Variants in LY6E observed in about 807,000 individuals in gnomAD.
LY6E encodes the protein lymphocyte antigen 6 family member E.
LY6E carries 4 observed loss-of-function variants against 7.7 expected under a neutral mutation model. The observed-to-expected ratio is 0.52, with a 90% confidence interval of 0.25 to 1.18. The LOEUF (loss-of-function observed/expected upper bound fraction) is 1.18, where lower values mean the gene tolerates loss of function less well. Among genes scored for constraint, LY6E ranks in the 50% most tolerant of loss-of-function variants. LY6E has a pLI of 0.14. For synonymous variants in LY6E, 81 were observed against 80.1 expected, an observed-to-expected ratio of 1.01 and a Z score of -0.06; for missense variants, 156 against 168.0, an observed-to-expected ratio of 0.93 and a Z score of 0.40.
At chr8:143,020,592 G>C (rs1819195280) in intron 1 of LY6E, among the ~76,000 whole-genome samples, 1 of 152,172 alleles carries the variant, frequency 6.6e-6, no homozygotes, top group Non-Finnish European at 1.5e-5. Context: ...CCCCACCCCA[G>C]GACCACTGGC....
Position 143,020,948 on chromosome 8 carries a change from C to T in LY6E, c.9C>T (p.Ile3=), listed in dbSNP as rs1440549035. The change falls in exon 2 of 4, where the codon ATC becomes ATT. Residue 3 remains isoleucine, a synonymous_variant. Transcript: ENST00000292494. MK[I]FLPVLLAALL... is the part of the protein sequence containing the mutation. The stretch of plus-strand genomic sequence containing the variant: ...CGGCCATCCTCTCCAGAATGAAGAT[C>T]TTCTTGCCAGTGCTGCTGGCTGCCC... 1 of 1,613,878 alleles carries T rather than the reference C, an allele frequency of 6.2e-7. No individual in the cohort carries two copies. The highest frequency in any genetic ancestry group is 1.7e-5 in the Admixed American group (1 of 60,022).
chr8:143,021,517 C>A (rs1346307629), intron 3 of LY6E, 49 bp from the exon 4 acceptor site: 1 of 1,612,470 alleles, frequency 6.2e-7, no homozygotes, highest in East Asian at 2.2e-5. Context: ...CCATTGCTGT[C>A]TGTCTGCAGC....
rs761998337 is a variant in LY6E, at chr8:143,021,025, C to T, written c.52+34C>T. 6.2e-6 allele frequency: 10 copies of T among 1,608,892 alleles called. No homozygotes were observed. The East Asian group carries it at 1.8e-4, about 29-fold the overall frequency. On this transcript the variant is annotated intron_variant, in intron 2 of 3. Transcript: ENST00000292494. ...CCCTTGGGGACCCCAGACCTTTGTCCAGCTGTGCCCTGCTCCACTCCCTCT... is the reference window on the plus strand; with the variant it reads ...CCCTTGGGGACCCCAGACCTTTGTCTAGCTGTGCCCTGCTCCACTCCCTCT...
In LY6E at chr8:143,021,940, C is replaced by T. The variant is rs1819237057; in HGVS notation, c.*151C>T. Reference sequence around the variant, plus strand: ...GCCCACCCCCTGCACCTCCACCTGCCCCAGCCCCTGCCTCTGCCCCAAGTG... The same window carrying T: ...GCCCACCCCCTGCACCTCCACCTGCTCCAGCCCCTGCCTCTGCCCCAAGTG... On this transcript the variant is annotated 3_prime_UTR_variant, in exon 4 of 4. Transcript: ENST00000292494. The T allele has an allele frequency of 1.5e-6, 1 of 688,358 alleles. No homozygotes were observed. The highest frequency in any genetic ancestry group is 2.4e-6 in the Non-Finnish European group (1 of 417,682). The allele number at this position is 688,358 out of a possible 1,614,324, so 42.6% of individuals were successfully genotyped here. A position where few individuals can be genotyped will look rare whatever the true frequency, so the allele number is the denominator to read the frequency against.
intron 1 of LY6E, chr8:143,018,879 CTG>C (rs2130447504): frequency 6.6e-6 from 1 of 152,398 alleles, no homozygotes; most frequent in East Asian, 1.9e-4. Context: ...CGGGCGGAGA[CTG>C]CCGCCAGGAG....
At position 143,021,762 on chromosome 8, in the gene LY6E, G is replaced by A. The variant is rs780886517; in HGVS notation, c.369G>A (p.Leu123=). 1 of 1,608,738 alleles carries A rather than the reference G, an allele frequency of 6.2e-7. No homozygotes were observed. Among genetic ancestry groups the A allele is most frequent in the Non-Finnish European group, 8.5e-7 (1 of 1,178,604 alleles). The change falls in exon 4 of 4, where the codon CTG becomes CTA. Residue 123 remains leucine (L), a synonymous_variant. Coordinates refer to ENST00000292494, the MANE Select transcript of LY6E (RefSeq NM_002346.3). ...GTGCCGGGCTGCTGCTGAGCCTGCT[G>A]CCGGCCCTGCTGCGGTTTGGCCCCT... is the stretch of plus-strand genomic sequence containing the variant. ...LLGAGLLLSL[L]PALLRFGP is the part of the protein sequence containing the mutation.
Position 143,022,201 on chromosome 8 carries a change from G to C in LY6E, c.*412G>C, listed in dbSNP as rs1819242534. ...CTGGGGGCCATGTTTGGGGAGGGAG[G>C]TGTGCCAGCAGCCTGGAGAGCCTCA... On this transcript the variant is annotated 3_prime_UTR_variant, in exon 4 of 4. Transcript: ENST00000292494. The C allele has an allele frequency of 1.4e-5, 3 of 221,012 alleles. No individual in the cohort carries two copies. Among genetic ancestry groups the C allele is most frequent in the Non-Finnish European group, 2.6e-5 (3 of 113,360 alleles). 13.7% of individuals were successfully genotyped at this position (221,012 alleles called of 1,614,324 possible). A position where few individuals can be genotyped will look rare whatever the true frequency, so the allele number is the denominator to read the frequency against.
intron 3 of LY6E, 55 bp from the exon 4 acceptor site, chr8:143,021,511 T>C: frequency 1.9e-6 from 3 of 1,612,688 alleles, no homozygotes; most frequent in Non-Finnish European, 2.5e-6. Context: ...CAGAGGCCAT[T>C]GCTGTCTGTC....
Position 143,022,019 on chromosome 8 carries a change from G to A in LY6E, c.*230G>A, listed in dbSNP as rs1417449650. On this transcript the variant is annotated 3_prime_UTR_variant, in exon 4 of 4. Transcript: ENST00000292494. ...ATGATGTGACCTTCCTTGGGGGACC[G>A]CGGAAGGGACGAGGGTTCCCTGGAG... 3 of 583,334 alleles carry A rather than the reference G, an allele frequency of 5.1e-6. No individual in the cohort carries two copies. The highest frequency in any genetic ancestry group is 4.3e-5 in the South Asian group (2 of 46,358). 36.1% of individuals were successfully genotyped at this position (583,334 alleles called of 1,614,324 possible). A position where few individuals can be genotyped will look rare whatever the true frequency, so the allele number is the denominator to read the frequency against.
In LY6E at chr8:143,021,304, C is replaced by G; in HGVS notation, c.53-10C>G. ...GGCTTCCCTGAGACAGGTGTGTCCT[C>G]CTTCCGCAGCCAGCTCGCTGATGTG... On this transcript the variant is annotated splice_polypyrimidine_tract_variant and intron_variant, in intron 2 of 3. Coordinates refer to ENST00000292494, the MANE Select transcript of LY6E (RefSeq NM_002346.3). 6.2e-7 allele frequency: 1 copy of G among 1,612,118 alleles called. No homozygotes were observed. The highest frequency in any genetic ancestry group is 8.5e-7 in the Non-Finnish European group (1 of 1,179,546).
In LY6E at chr8:143,021,721, A is replaced by G. The variant is rs899616559; in HGVS notation, c.328A>G (p.Ser110Gly). ...FSAADGGLRASVTLLGAGLLL... is the reference protein window; with the variant it reads ...FSAADGGLRAGVTLLGAGLLL... ...TGCGGCCGATGGCGGGCTGCGGGCAAGCGTCACCCTGCTGGGTGCCGGGCT... is the reference window on the plus strand; with the variant it reads ...TGCGGCCGATGGCGGGCTGCGGGCAGGCGTCACCCTGCTGGGTGCCGGGCT... The change falls in exon 4 of 4, where the codon AGC (serine) becomes GGC (glycine). Residue 110 changes from serine (S) to glycine (G), a missense_variant. Physicochemically the swap from Ser to Gly is moderately conservative, Grantham distance 56. Coordinates refer to ENST00000292494, the MANE Select transcript of LY6E (RefSeq NM_002346.3). The G allele has an allele frequency of 2.0e-5, 32 of 1,613,174 alleles. No homozygotes were observed. The highest frequency in any genetic ancestry group is 1.7e-4 in the Admixed American group (10 of 60,002).
Position 143,021,421 on chromosome 8 carries a change from A to G in LY6E, c.160A>G (p.Ser54Gly). 6.2e-7 allele frequency: 1 copy of G among 1,613,944 alleles called. No individual in the cohort carries two copies. Among genetic ancestry groups the G allele is most frequent in the African/African-American group, 1.3e-5 (1 of 75,038 alleles). Reference sequence around the variant, plus strand: ...CAACTACTGCGTGACTGTGTCTGCTAGTGCCGGCATTGGTGAGTGCCAGGC... The same window carrying G: ...CAACTACTGCGTGACTGTGTCTGCTGGTGCCGGCATTGGTGAGTGCCAGGC... ...QDNYCVTVSA[S>G]AGIGNLVTFG... Residue 54 changes from serine to glycine, a missense_variant, in exon 3 of 4, where the codon AGT becomes GGT. Coordinates refer to ENST00000292494, the MANE Select transcript of LY6E (RefSeq NM_002346.3).
At chr8:143,020,489 C>T (rs1285728588) in intron 1 of LY6E, 1 of 169,162 alleles carries the variant, frequency 5.9e-6, no homozygotes, top group African/African-American at 2.4e-5. Flanking sequence ...CTGCCTTGGC[C>T]TCACATAGCA....
At chr8:143,019,802 G>A (rs564782752) in intron 1 of LY6E, among the ~76,000 whole-genome samples, 9 of 152,292 alleles carry the variant, frequency 5.9e-5, no homozygotes, top group East Asian at 1.9e-4. Context: ...CTCTGCCCAC[G>A]GCTGTCCCTG....
intron 1 of LY6E, among the ~76,000 whole-genome samples, chr8:143,019,855 A>G (rs1819174419): frequency 6.6e-6 from 1 of 152,188 alleles, no homozygotes; most frequent in East Asian, 1.9e-4. Flanking sequence ...TGCACTCACA[A>G]AACAGAGAAT....
rs1176672995 is a variant in LY6E at position 143,022,118 on chromosome 8, G to A, written c.*329G>A. On this transcript the variant is annotated 3_prime_UTR_variant, in exon 4 of 4. Coordinates refer to ENST00000292494, the MANE Select transcript of LY6E (RefSeq NM_002346.3). ...TCCCCAGGGAGACCGTGTCAGTAGGGATGTGTGCCTGGCTGTGTACGTGGG... is the reference window on the plus strand; with the variant it reads ...TCCCCAGGGAGACCGTGTCAGTAGGAATGTGTGCCTGGCTGTGTACGTGGG... 6.4e-6 allele frequency: 3 copies of A among 471,718 alleles called. No individual in the cohort carries two copies. Among genetic ancestry groups the A allele is most frequent in the African/African-American group, 3.9e-5 (2 of 51,264 alleles). The allele number at this position is 471,718 out of a possible 1,614,324, so 29.2% of individuals were successfully genotyped here. A position where few individuals can be genotyped will look rare whatever the true frequency, so the allele number is the denominator to read the frequency against.
At position 143,021,612 on chromosome 8, in the gene LY6E, G is replaced by A. The variant is rs777002102; in HGVS notation, c.219G>A (p.Pro73=). The change falls in exon 4 of 4, where the codon CCG becomes CCA. Residue 73 remains proline, a synonymous_variant. Transcript: ENST00000292494. The part of the protein sequence containing the change: ...FGHSLSKTCS[P]ACPIPEGVNV... Reference sequence around the variant, plus strand: ...ACAGCCTGAGCAAGACCTGTTCCCCGGCCTGCCCCATCCCAGAAGGCGTCA... The same window carrying A: ...ACAGCCTGAGCAAGACCTGTTCCCCAGCCTGCCCCATCCCAGAAGGCGTCA... The A allele has an allele frequency of 5.4e-5, 87 of 1,613,880 alleles. No individual in the cohort carries two copies. Among genetic ancestry groups the A allele is most frequent in the Non-Finnish European group, 6.4e-5 (76 of 1,180,034 alleles).
chr8:143,021,307 T>C lies in LY6E; in HGVS notation c.53-7T>C, dbSNP rs749680415. On this transcript the variant is annotated splice_polypyrimidine_tract_variant and splice_region_variant and intron_variant, in intron 2 of 3. Transcript: ENST00000292494. ...TTCCCTGAGACAGGTGTGTCCTCCT[T>C]CCGCAGCCAGCTCGCTGATGTGCTT... The C allele has an allele frequency of 8.7e-6, 14 of 1,612,514 alleles. No homozygotes were observed. The highest frequency in any genetic ancestry group is 1.2e-5 in the Non-Finnish European group (14 of 1,179,718).
At chr8:143,019,002 G>C (rs1169673126) in intron 1 of LY6E, 2 of 152,360 alleles carry the variant, frequency 1.3e-5, no homozygotes, top group Non-Finnish European at 2.9e-5. Flanking sequence ...CTAGGGGAGG[G>C]GGCACGGGAC....
Sources: allele counts gnomAD v4.1 joint callset (sites outside exome capture counted in the v4.1 genomes callset), GRCh38; gene constraint gnomAD v4.1.1; transcripts MANE v1.5; gene names NCBI Gene and HGNC (gene_info 2026-07-23, HGNC 2026-07-21).